Variants in NLRP6 observed in about 807,000 individuals in gnomAD.
The protein encoded by NLRP6 is NACHT, LRR and PYD domains-containing protein 6.
NLRP6 carries 55 observed loss-of-function variants against 70.9 expected under a neutral mutation model. The ratio of observed to expected loss-of-function variants is 0.78; its 90% confidence interval spans 0.62 to 0.97. NLRP6 has a LOEUF of 0.97. Among genes scored for constraint, NLRP6 ranks in the 50% least tolerant of loss-of-function variants. The pLI, the probability that NLRP6 is intolerant of heterozygous loss-of-function variation, is 0.00. For synonymous variants in NLRP6, 652 were observed against 581.9 expected, an observed-to-expected ratio of 1.12 and a Z score of -1.73; for missense variants, 1,241 against 1,238.3, an observed-to-expected ratio of 1.00 and a Z score of -0.03.
chr11:283,311 C>CTTTT (rs34619806), intron 5 of NLRP6, among the ~76,000 whole-genome samples: 10 of 115,408 alleles, frequency 8.7e-5, no homozygotes, highest in African/African-American at 1.3e-4. Context: ...ATGTACAGTT[C>CTTTT]TTTTTTTTTT....
At position 281,149 on chromosome 11, in the gene NLRP6, G is replaced by A; in HGVS notation, c.1415G>A (p.Gly472Asp). The change falls in exon 4 of 8, where the codon GGC (glycine) becomes GAC (aspartate). Residue 472 changes from glycine to aspartate, a missense_variant. Physicochemically the swap from Gly to Asp is moderately conservative, Grantham distance 94 (BLOSUM62 -1). Transcript: ENST00000534750. ...GAACTGGAGCAACTGGAGCTTCGTG[G>A]CTCCAAAGTGCAGACGCTGTTTCTC... The part of the protein sequence containing the change: ...EKELEQLELR[G>D]SKVQTLFLSK... 2 of 1,613,052 alleles carry A rather than the reference G, an allele frequency of 1.2e-6. No individual in the cohort carries two copies. The highest frequency in any genetic ancestry group is 1.7e-6 in the Non-Finnish European group (2 of 1,179,962).
At position 279,546 on chromosome 11, in the gene NLRP6, G is replaced by A; in HGVS notation, c.249G>A (p.Lys83=). Residue 83 remains lysine (K), a synonymous_variant, in exon 2 of 8, where the codon AAG becomes AAA. Coordinates refer to ENST00000534750, the MANE Select transcript of NLRP6 (RefSeq NM_001276700.2). The part of the protein sequence containing the change: ...GPEPALEVAR[K]TLKRADARDV... ...AGCCTGCCCTGGAGGTGGCCCGCAA[G>A]ACCCTCAAGAGGGCGGACGCGCGCG... is the stretch of plus-strand genomic sequence containing the variant. 1 of 1,445,856 alleles carries A rather than the reference G, an allele frequency of 6.9e-7. No homozygotes were observed. 89.6% of individuals were successfully genotyped at this position (1,445,856 alleles called of 1,614,324 possible). A position where few individuals can be genotyped will look rare whatever the true frequency, so the allele number is the denominator to read the frequency against.
chr11:280,943 G>A lies in NLRP6; in HGVS notation c.1209G>A (p.Glu403=). 1 of 1,613,296 alleles carries A rather than the reference G, an allele frequency of 6.2e-7. No individual in the cohort carries two copies. Among genetic ancestry groups the A allele is most frequent in the Non-Finnish European group, 8.5e-7 (1 of 1,179,970 alleles). Reference sequence around the variant, plus strand: ...GCACCGTGCTGCGCCAGCAGCTGGAGCTCGGTCGGGACCTGTCGCGCACGT... The same window carrying A: ...GCACCGTGCTGCGCCAGCAGCTGGAACTCGGTCGGGACCTGTCGCGCACGT... ...IVCTVLRQQL[E]LGRDLSRTSK... is the part of the protein sequence containing the mutation. The change falls in exon 4 of 8, where the codon GAG becomes GAA. Residue 403 remains glutamate (E), a synonymous_variant. Coordinates refer to ENST00000534750, the MANE Select transcript of NLRP6 (RefSeq NM_001276700.2).
chr11:285,038 G>A (rs12796930), intron 7 of NLRP6, 128 bp from the exon 8 acceptor site: 136,633 of 740,556 alleles, frequency 0.18, 14,891 homozygotes, highest in Middle Eastern at 0.24. Context: ...GTCACTGCCC[G>A]CAGCCCGGCC....
chr11:281,442 C>T lies in NLRP6; in HGVS notation c.1708C>T (p.Arg570Cys). 6.2e-7 allele frequency: 1 copy of T among 1,602,290 alleles called. No homozygotes were observed. The highest frequency in any genetic ancestry group is 8.5e-7 in the Non-Finnish European group (1 of 1,173,590). The part of the protein sequence containing the change: ...ERHFGCMVSE[R>C]VKQEALRWVQ... ...CCACTTCGGCTGCATGGTTTCAGAG[C>T]GTGTGAAGCAGGAGGCCCTGCGGTG... Residue 570 changes from arginine (R) to cysteine (C), a missense_variant, in exon 4 of 8, where the codon CGT becomes TGT. Coordinates refer to ENST00000534750, the MANE Select transcript of NLRP6 (RefSeq NM_001276700.2).
rs1160834866 is a variant in NLRP6 at position 281,720 on chromosome 11, C to T, written c.1986C>T (p.Cys662=). The stretch of plus-strand genomic sequence containing the variant: ...TGGACGTGGCTGTTCTGAGCTACTG[C>T]GTGAGGTGCTGCCCTGCTGGACAGG... ...CRMDVAVLSY[C]VRCCPAGQAL... is the part of the protein sequence containing the mutation. Residue 662 remains cysteine (C), a synonymous_variant, in exon 4 of 8, where the codon TGC becomes TGT. Coordinates refer to ENST00000534750, the MANE Select transcript of NLRP6 (RefSeq NM_001276700.2). The T allele has an allele frequency of 6.2e-7, 1 of 1,613,298 alleles. No homozygotes were observed. The highest frequency in any genetic ancestry group is 1.3e-5 in the African/African-American group (1 of 75,056).
intron 5 of NLRP6, among the ~76,000 whole-genome samples, chr11:283,389 C>G (rs1299212416): frequency 6.7e-6 from 1 of 148,874 alleles, no homozygotes; most frequent in Admixed American, 6.8e-5. Flanking sequence ...TCTCAGCTCA[C>G]TGCAAGCTCC....
chr11:280,294 G>T lies in NLRP6; in HGVS notation c.560G>T (p.Arg187Leu). Residue 187 changes from arginine to leucine, a missense_variant, in exon 4 of 8, where the codon CGC (arginine) becomes CTC (leucine). By Grantham distance (102) the Arg-to-Leu change is moderately radical. Coordinates refer to ENST00000534750, the MANE Select transcript of NLRP6 (RefSeq NM_001276700.2). ...ACGCACACTTTCAACCGCCTCTTCC[G>T]CCGCGACGAGGAGGGCCGGCGGCCG... ...SDTHTFNRLF[R>L]RDEEGRRPLT... 6.7e-6 allele frequency: 10 copies of T among 1,502,482 alleles called. No individual in the cohort carries two copies. The highest frequency in any genetic ancestry group is 8.9e-6 in the Non-Finnish European group (10 of 1,126,722). 93.1% of individuals were successfully genotyped at this position (1,502,482 alleles called of 1,614,324 possible).
In NLRP6 at chr11:280,130, G is replaced by A; in HGVS notation, c.396G>A (p.Arg132=). The change falls in exon 4 of 8, where the codon CGG becomes CGA. Residue 132 remains arginine (R), a synonymous_variant. Coordinates refer to ENST00000534750, the MANE Select transcript of NLRP6 (RefSeq NM_001276700.2). ...AGCACGTGCTGCAGCTGCACGCTCG[G>A]GTGAAGGAGAGGAACGCCCGCTCCG... is the stretch of plus-strand genomic sequence containing the variant. ...YREHVLQLHA[R]VKERNARSVK... 4.5e-6 allele frequency: 7 copies of A among 1,543,018 alleles called. No homozygotes were observed. The highest frequency in any genetic ancestry group is 6.1e-6 in the Non-Finnish European group (7 of 1,146,096).
chr11:280,155 G>T lies in NLRP6; in HGVS notation c.421G>T (p.Val141Leu). ...GGTGAAGGAGAGGAACGCCCGCTCC[G>T]TGAAGATCACCAAGCGCTTCACCAA... ...ARVKERNARSVKITKRFTKLL... is the reference protein window; with the variant it reads ...ARVKERNARSLKITKRFTKLL... The change falls in exon 4 of 8, where the codon GTG becomes TTG. Residue 141 changes from valine to leucine, a missense_variant. Transcript: ENST00000534750. 6.4e-7 allele frequency: 1 copy of T among 1,551,866 alleles called. No homozygotes were observed. Among genetic ancestry groups the T allele is most frequent in the Non-Finnish European group, 8.7e-7 (1 of 1,148,460 alleles).
chr11:281,681 G>A lies in NLRP6; in HGVS notation c.1947G>A (p.Val649=). ...CRFPELALQR[V]RFCRMDVAVL... is the part of the protein sequence containing the mutation. ...TCCCGGAGCTGGCGCTGCAGCGAGT[G>A]CGCTTCTGCCGCATGGACGTGGCTG... Residue 649 remains valine, a synonymous_variant, in exon 4 of 8, where the codon GTG becomes GTA. Coordinates refer to ENST00000534750, the MANE Select transcript of NLRP6 (RefSeq NM_001276700.2). 1.2e-6 allele frequency: 2 copies of A among 1,613,462 alleles called. No homozygotes were observed. The highest frequency in any genetic ancestry group is 1.1e-5 in the South Asian group (1 of 91,084).
rs375334744 is a variant in NLRP6, at chr11:284,579, C to T, written c.2474C>T (p.Ala825Val). The T allele has an allele frequency of 1.1e-5, 18 of 1,612,018 alleles. 1 individual carries two copies. The highest frequency in any genetic ancestry group is 1.6e-4 in the Middle Eastern group (1 of 6,078). ...TLDLSGCQLP[A>V]PMVTYLCAVL... ...GATCTCAGCGGCTGCCAACTGCCCG[C>T]CCCCATGGTGACCTACCTGTGTGCA... The change falls in exon 7 of 8, where the codon GCC (alanine) becomes GTC (valine). Residue 825 changes from alanine (A) to valine (V), a missense_variant. Ala to Val is a moderately conservative substitution (Grantham distance 64, BLOSUM62 0). Coordinates refer to ENST00000534750, the MANE Select transcript of NLRP6 (RefSeq NM_001276700.2).
chr11:280,251 C>G lies in NLRP6; in HGVS notation c.517C>G (p.Arg173Gly). 1.3e-6 allele frequency: 2 copies of G among 1,524,104 alleles called. No individual in the cohort carries two copies. Among genetic ancestry groups the G allele is most frequent in the Non-Finnish European group, 1.8e-6 (2 of 1,136,538 alleles). The allele number at this position is 1,524,104 out of a possible 1,614,324, so 94.4% of individuals were successfully genotyped here. The change falls in exon 4 of 8, where the codon CGC becomes GGC. Residue 173 changes from arginine (R) to glycine (G), a missense_variant. By Grantham distance (125) the Arg-to-Gly change is moderately radical. Transcript: ENST00000534750. Reference protein sequence around the residue: ...MGPAEEPEPGRARRSDTHTFN... With the variant: ...MGPAEEPEPGGARRSDTHTFN... Reference sequence around the variant, plus strand: ...GCCCGCGGAAGAGCCTGAGCCGGGGCGCGCGCGGCGCTCGGACACGCACAC... The same window carrying G: ...GCCCGCGGAAGAGCCTGAGCCGGGGGGCGCGCGGCGCTCGGACACGCACAC...
Position 280,264 on chromosome 11 carries a change from C to G in NLRP6, c.530C>G (p.Ser177Trp), listed in dbSNP as rs1845449957. The change falls in exon 4 of 8, where the codon TCG becomes TGG. Residue 177 changes from serine to tryptophan, a missense_variant. Transcript: ENST00000534750. ...EEPEPGRARR[S>W]DTHTFNRLFR... ...CCTGAGCCGGGGCGCGCGCGGCGCT[C>G]GGACACGCACACTTTCAACCGCCTC... 15 of 1,519,204 alleles carry G rather than the reference C, an allele frequency of 9.9e-6. No homozygotes were observed. Among genetic ancestry groups the G allele is most frequent in the Non-Finnish European group, 1.3e-5 (15 of 1,134,842 alleles). The allele number at this position is 1,519,204 out of a possible 1,614,324, so 94.1% of individuals were successfully genotyped here. A position where few individuals can be genotyped will look rare whatever the true frequency, so the allele number is the denominator to read the frequency against.
intron 1 of NLRP6, 25 bp from the exon 2 acceptor site, chr11:279,302 A>T: frequency 9.3e-7 from 1 of 1,077,404 alleles, no homozygotes; most frequent in Non-Finnish European, 1.1e-6. Context: ...CCGCTCCCCG[A>T]TGACCCGCGC....
At position 281,668 on chromosome 11, in the gene NLRP6, C is replaced by T; in HGVS notation, c.1934C>T (p.Ala645Val). Residue 645 changes from alanine to valine, a missense_variant, in exon 4 of 8, where the codon GCG becomes GTG. Ala to Val is a moderately conservative substitution (Grantham distance 64). Coordinates refer to ENST00000534750, the MANE Select transcript of NLRP6 (RefSeq NM_001276700.2). Reference protein sequence around the residue: ...RQALCRFPELALQRVRFCRMD... With the variant: ...RQALCRFPELVLQRVRFCRMD... The stretch of plus-strand genomic sequence containing the variant: ...GCCCTGTGCCGGTTCCCGGAGCTGG[C>T]GCTGCAGCGAGTGCGCTTCTGCCGC... 1 of 1,613,382 alleles carries T rather than the reference C, an allele frequency of 6.2e-7. No individual in the cohort carries two copies. Among genetic ancestry groups the T allele is most frequent in the South Asian group, 1.1e-5 (1 of 91,070 alleles).
At chr11:282,652 G>A (rs756381552) in intron 4 of NLRP6, 53 bp from the exon 5 acceptor site, 31 of 1,397,868 alleles carry the variant, frequency 2.2e-5, no homozygotes, top group African/African-American at 2.8e-5. Flanking sequence ...AGTCCTTTCC[G>A]GCAGGCACTG....
chr11:280,522 C>G lies in NLRP6; in HGVS notation c.788C>G (p.Pro263Arg), dbSNP rs1564831944. The change falls in exon 4 of 8, where the codon CCG becomes CGG. Residue 263 changes from proline to arginine, a missense_variant. Coordinates refer to ENST00000534750, the MANE Select transcript of NLRP6 (RefSeq NM_001276700.2). ...GACCAGTGCCCCGACCGCGGCGCGC[C>G]GGTGCCGCAGATGCTGGCCCAGCCG... The part of the protein sequence containing the change: ...ILDQCPDRGA[P>R]VPQMLAQPQR... 1 of 1,566,902 alleles carries G rather than the reference C, an allele frequency of 6.4e-7. No homozygotes were observed. Among genetic ancestry groups the G allele is most frequent in the South Asian group, 1.1e-5 (1 of 87,322 alleles).
Position 281,256 on chromosome 11 carries a change from G to A in NLRP6, c.1522G>A (p.Ala508Thr). ...CCAGAGCTTCCAGGAGTTCCTCGCG[G>A]CACTGTCCTACCTGCTGGAGGACGG... The part of the protein sequence containing the change: ...IDQSFQEFLA[A>T]LSYLLEDGGV... Residue 508 changes from alanine (A) to threonine (T), a missense_variant, in exon 4 of 8, where the codon GCA becomes ACA. Coordinates refer to ENST00000534750, the MANE Select transcript of NLRP6 (RefSeq NM_001276700.2). The A allele has an allele frequency of 6.2e-7, 1 of 1,612,846 alleles. No individual in the cohort carries two copies. Among genetic ancestry groups the A allele is most frequent in the South Asian group, 1.1e-5 (1 of 91,070 alleles).
Sources: allele counts gnomAD v4.1 joint callset (sites outside exome capture counted in the v4.1 genomes callset), GRCh38; gene constraint gnomAD v4.1.1; transcripts MANE v1.5; gene names NCBI Gene and HGNC (gene_info 2026-07-23, HGNC 2026-07-21).